Variants in ABCC5 observed in about 807,000 individuals in gnomAD.
ABCC5 encodes the protein ATP binding cassette subfamily C member 5.
Under a neutral mutation model 160.9 loss-of-function variants are expected in ABCC5, and 61 were observed. The observed-to-expected ratio is 0.38, with a 90% CI of 0.31 to 0.47. The LOEUF (loss-of-function observed/expected upper bound fraction) is 0.47. Among genes scored for constraint, ABCC5 ranks in the 20% least tolerant of loss-of-function variants. The probability of loss-of-function intolerance (pLI) is 0.99; values close to 1 mark genes in which losing one functional copy is unlikely to be tolerated. For synonymous variants in ABCC5, 666 were observed against 700.6 expected (o/e 0.95, Z 0.78); for missense variants, 1,308 against 1,813.3 (o/e 0.72, Z 5.06).
At position 183,951,778 on chromosome 3, in the gene ABCC5, C is replaced by A; in HGVS notation, c.2814+79G>T. ...TGGTTAAGGGAGCTCCCCTACTCAG[C>A]ATGAACTGAGAGACGCCACACCAAA... On this transcript the variant is annotated intron_variant, in intron 19 of 29. Coordinates refer to ENST00000334444, the MANE Select transcript of ABCC5 (RefSeq NM_005688.4). The surrounding 1 kb of genome is among the most constrained non-coding windows in gnomAD (Gnocchi z 4.7). The A allele has an allele frequency of 6.4e-7, 1 of 1,557,586 alleles. No individual in the cohort carries two copies.
chr3:183,990,095 G>A (rs940927874), intron 2 of ABCC5, among the ~76,000 whole-genome samples: 1 of 150,088 alleles, frequency 6.7e-6, no homozygotes, highest in East Asian at 2.0e-4. Flanking sequence ...GAGCCACCGC[G>A]CCCGGCCCTG....
chr3:183,977,475 G>C (rs775472823), intron 10 of ABCC5, 42 bp downstream of exon 10: 8 of 1,445,990 alleles, frequency 5.5e-6, no homozygotes, highest in African/African-American at 4.2e-5. Context: ...TAGTTGTGTG[G>C]GGAGGGCTCC....
chr3:183,926,080 C>A (rs1712522113), intron 28 of ABCC5, among the ~76,000 whole-genome samples: 2 of 149,464 alleles, frequency 1.3e-5, no homozygotes, highest in Non-Finnish European at 3.0e-5. Flanking sequence ...CCTTGCGATC[C>A]ACCTGCCTCG....
At chr3:183,928,878 G>C (rs916947468) in intron 26 of ABCC5, 53 bp from the exon 27 acceptor site, 2 of 1,460,248 alleles carry the variant, frequency 1.4e-6, no homozygotes, top group African/African-American at 2.8e-5. Flanking sequence ...CGACCCATTG[G>C]CAAAGGCTGT....
Position 183,982,242 on chromosome 3 carries a change from GACTCTCTTTCA to G in ABCC5, c.999+198_999+208del, listed in dbSNP as rs1454160461. On this transcript the variant is annotated intron_variant, in intron 7 of 29. Coordinates refer to ENST00000334444, the MANE Select transcript of ABCC5 (RefSeq NM_005688.4). The surrounding 1 kb of genome is among the most constrained non-coding windows in gnomAD (Gnocchi z 5.2). The stretch of plus-strand genomic sequence containing the variant: ...GTTCACCAGCTGACCTTCTCATTCA[GACTCTCTTTCA>G]TGCAAGTGACACCTTACCTCCTCTC... Among the ~76,000 whole-genome samples, 12 of 152,064 alleles carry G rather than the reference GACTCTCTTTCA, an allele frequency of 7.9e-5. No homozygotes were observed. Among genetic ancestry groups the G allele is most frequent in the Non-Finnish European group, 2.9e-5 (2 of 68,022 alleles).
At chr3:183,957,788 G>A (rs1487151043) in intron 17 of ABCC5, among the ~76,000 whole-genome samples, 1 of 151,840 alleles carries the variant, frequency 6.6e-6, no homozygotes, top group Non-Finnish European at 1.5e-5. Flanking sequence ...AAATCCGTGT[G>A]TATATCACAT....
chr3:183,972,028 A>G (rs1271541100), intron 10 of ABCC5, 109 bp from the exon 11 acceptor site: 2 of 1,578,668 alleles, frequency 1.3e-6, no homozygotes. Flanking sequence ...TATACAGTGG[A>G]AGGAAGCTGA....
chr3:183,990,085 G>A (rs1445614114), intron 2 of ABCC5, among the ~76,000 whole-genome samples: 1 of 151,062 alleles, frequency 6.6e-6, no homozygotes, highest in African/African-American at 2.4e-5. Flanking sequence ...TTACAGGCAT[G>A]AGCCACCGCG....
chr3:183,959,935 T>C, intron 16 of ABCC5, 100 bp from the exon 17 acceptor site: 3 of 770,086 alleles, frequency 3.9e-6, no homozygotes, highest in Non-Finnish European at 6.1e-6. Context: ...CTGCTATTAC[T>C]GAAAAAAGAT....
chr3:183,971,807 A>T lies in ABCC5; in HGVS notation c.1517T>A (p.Ile506Asn), dbSNP rs1560020801. 1 of 1,614,030 alleles carries T rather than the reference A, an allele frequency of 6.2e-7. No individual in the cohort carries two copies. Among genetic ancestry groups the T allele is most frequent in the Non-Finnish European group, 8.5e-7 (1 of 1,180,010 alleles). ...GGGGGTCAGCTTGGGCGAGTTCTGGATACTGGAGTGGGAGGAGTCCCATGC... is the reference window on the plus strand; with the variant it reads ...GGGGGTCAGCTTGGGCGAGTTCTGGTTACTGGAGTGGGAGGAGTCCCATGC... ...TLAWDSSHSS[I>N]QNSPKLTPKM... Residue 506 changes from isoleucine (I) to asparagine (N), a missense_variant, in exon 11 of 30, where the codon ATC becomes AAC. Coordinates refer to ENST00000334444, the MANE Select transcript of ABCC5 (RefSeq NM_005688.4).
chr3:183,943,818 TC>T (rs2108784696), intron 24 of ABCC5, among the ~76,000 whole-genome samples: 1 of 152,222 alleles, frequency 6.6e-6, no homozygotes, highest in Admixed American at 6.5e-5. Flanking sequence ...CACAAGGCTC[TC>T]GCCAACCATA....
intron 8 of ABCC5, 111 bp downstream of exon 8, chr3:183,981,616 A>C: frequency 8.4e-7 from 1 of 1,187,752 alleles, no homozygotes. Flanking sequence ...CTACGATACT[A>C]GACACTAGTC....
chr3:183,922,590 C>G (rs1195193636), intron 29 of ABCC5, among the ~76,000 whole-genome samples: 5 of 152,260 alleles, frequency 3.3e-5, no homozygotes, highest in African/African-American at 9.6e-5. Context: ...CTATGATGGA[C>G]TTCTATGTAG....
Position 183,987,514 on chromosome 3 carries a change from C to T in ABCC5, c.591+256G>A. 3.2e-6 allele frequency: 2 copies of T among 617,132 alleles called. No individual in the cohort carries two copies. The highest frequency in any genetic ancestry group is 5.5e-5 in the Admixed American group (2 of 36,580). The allele number at this position is 617,132 out of a possible 1,614,324, so 38.2% of individuals were successfully genotyped here. A position where few individuals can be genotyped will look rare whatever the true frequency, so the allele number is the denominator to read the frequency against. ...TAACACACAACCGAGAAGCACAGTC[C>T]TGTGCAGAACTGGAGTCAGTTCCAT... On this transcript the variant is annotated intron_variant, in intron 5 of 29. Transcript: ENST00000334444. The surrounding 1 kb of genome is among the most constrained non-coding windows in gnomAD (Gnocchi z 4.2).
chr3:183,989,076 C>A, intron 3 of ABCC5, 150 bp downstream of exon 3: 1 of 751,916 alleles, frequency 1.3e-6, no homozygotes, highest in South Asian at 2.0e-5. Flanking sequence ...GGCTGAGAGG[C>A]AGGAGAATCA....
intron 2 of ABCC5, among the ~76,000 whole-genome samples, chr3:183,989,809 T>C (rs1719583311): frequency 6.6e-6 from 1 of 152,150 alleles, no homozygotes; most frequent in Admixed American, 6.5e-5. Flanking sequence ...CTCTTTGTTT[T>C]TTTGGGTTTT....
chr3:183,927,808 G>A (rs933483206), intron 27 of ABCC5: 15 of 985,322 alleles, frequency 1.5e-5, no homozygotes, highest in African/African-American at 7.0e-5. Flanking sequence ...GTCCAAAGCC[G>A]TAGGCCCGTG....
At chr3:183,927,759 A>C (rs1355314469) in intron 27 of ABCC5, 2 of 985,344 alleles carry the variant, frequency 2.0e-6, no homozygotes, top group Non-Finnish European at 1.2e-6. Flanking sequence ...GTCTTGCAAT[A>C]GGAAATAGTA....
At chr3:183,992,692 A>G (rs7620781) in intron 2 of ABCC5, among the ~76,000 whole-genome samples, 93,940 of 152,000 alleles carry the variant, frequency 0.62, 29,769 homozygotes, top group East Asian at 0.85. Flanking sequence ...GGGAGGCTGA[A>G]GCAGGAGAAC....
Sources: gnomAD v4.1 joint callset for allele counts (sites outside exome capture counted in the v4.1 genomes callset) on GRCh38, gnomAD v4.1.1 for gene constraint, Gnocchi (gnomAD v3.1) non-coding constraint, MANE v1.5 for transcripts, NCBI Gene and HGNC (gene_info 2026-07-23, HGNC 2026-07-21) for gene names.